The following YLPM1 variants were observed in gnomAD, a reference collection of about 807,000 sequenced individuals.
YLPM1 encodes YLP motif-containing protein 1.
In YLPM1, 99 loss-of-function variants were observed where a neutral mutation model predicts 230.0. The observed-to-expected ratio is 0.43, with a 90% CI of 0.37 to 0.51. The LOEUF is 0.51. Among genes scored for constraint, YLPM1 ranks in the 20% least tolerant of loss-of-function variants. The probability of loss-of-function intolerance (pLI) is 0.00; values close to 1 mark genes in which losing one functional copy is unlikely to be tolerated. For synonymous variants in YLPM1, 984 were observed against 942.5 expected (o/e 1.04, Z -0.81); for missense variants, 2,592 against 2,707.7 (o/e 0.96, Z 0.95).
At chr14:74,834,284 A>T (rs1020430094) in intron 19 of YLPM1, among the ~76,000 whole-genome samples, 1 of 152,090 alleles carries the variant, frequency 6.6e-6, no homozygotes, top group Non-Finnish European at 1.5e-5. Flanking sequence ...TCCCTGATCC[A>T]TATATTTGTA....
chr14:74,811,694 G>A lies in YLPM1; in HGVS notation c.5303G>A (p.Arg1768Gln), dbSNP rs1398923038. 5.6e-6 allele frequency: 9 copies of A among 1,611,924 alleles called. No individual in the cohort carries two copies. Among genetic ancestry groups the A allele is most frequent in the Non-Finnish European group, 5.1e-6 (6 of 1,179,320 alleles). Residue 1768 changes from arginine (R) to glutamine (Q), a missense_variant, in exon 10 of 21, where the codon CGG becomes CAG. This residue lies in a region of YLPM1 where 403 missense variants were observed against 426.7 expected (regional missense o/e 0.94). Transcript: ENST00000325680. Reference sequence around the variant, plus strand: ...GGTTTTGATAGGCCATCCTATGACCGGAAGTCTGACCGACCAGTCTATGAA... The same window carrying A: ...GGTTTTGATAGGCCATCCTATGACCAGAAGTCTGACCGACCAGTCTATGAA... ...RGGFDRPSYD[R>Q]KSDRPVYEGP...
chr14:74,776,236 A>G (rs1476417193), intron 1 of YLPM1, among the ~76,000 whole-genome samples: 4 of 152,220 alleles, frequency 2.6e-5, no homozygotes, highest in Admixed American at 6.5e-5. Context: ...CACCACAGAC[A>G]CTGAATTAGT....
intron 1 of YLPM1, among the ~76,000 whole-genome samples, chr14:74,772,764 G>A (rs1315554927): frequency 6.6e-6 from 1 of 152,134 alleles, no homozygotes; most frequent in African/African-American, 2.4e-5. Flanking sequence ...CATATGAAAT[G>A]GAGTTATCTG....
In YLPM1 at chr14:74,781,989, C is replaced by T; in HGVS notation, c.1946C>T (p.Ala649Val). Residue 649 changes from alanine to valine, a missense_variant, in exon 4 of 21, where the codon GCC (alanine) becomes GTC (valine). By Grantham distance (64) the Ala-to-Val change is moderately conservative. This residue lies in a region of YLPM1 where 1,862 missense variants were observed against 1,819.8 expected (regional missense o/e 1.02). Coordinates refer to ENST00000325680, the MANE Select transcript of YLPM1 (RefSeq NM_019589.3). ...PQGIPPQLTA[A>V]PVPPASSSQS... ...GGGATACCTCCTCAGTTAACAGCAG[C>T]CCCAGTTCCACCAGCCTCCAGTTCA... is the stretch of plus-strand genomic sequence containing the variant. The T allele has an allele frequency of 6.2e-7, 1 of 1,613,734 alleles. No homozygotes were observed. The highest frequency in any genetic ancestry group is 8.5e-7 in the Non-Finnish European group (1 of 1,179,748).
rs117400861 is a variant in YLPM1, at chr14:74,786,872, G to A, written c.2282+4547G>A. 2.1e-3 allele frequency among the ~76,000 whole-genome samples: 323 copies of A among 152,264 alleles called. 3 individuals are homozygous for A. The East Asian group carries it at 0.038, about 18-fold the overall frequency. On this transcript the variant is annotated intron_variant, in intron 4 of 20. Transcript: ENST00000325680. ...TACATGTTCTGCGTTAATGGGTATT[G>A]TTAAACATTTTTCCAAAGTGGTTGT...
chr14:74,800,168 A>G (rs1005702570), intron 5 of YLPM1, among the ~76,000 whole-genome samples: 1 of 152,196 alleles, frequency 6.6e-6, no homozygotes, highest in African/African-American at 2.4e-5. Flanking sequence ...GCATCCTCAG[A>G]TTTGTCTTAA....
At chr14:74,788,117 C>CTTTTTT (rs55982413) in intron 4 of YLPM1, among the ~76,000 whole-genome samples, 4 of 148,838 alleles carry the variant, frequency 2.7e-5, no homozygotes. Context: ...GTCACATACC[C>CTTTTTT]TTTTTTTTTT....
chr14:74,810,108 A>C, intron 8 of YLPM1, 106 bp downstream of exon 8: 1 of 1,461,242 alleles, frequency 6.8e-7, no homozygotes, highest in Non-Finnish European at 9.2e-7. Context: ...TACAGCTAAA[A>C]GATTCTTAGT....
At position 74,799,313 on chromosome 14, in the gene YLPM1, C is replaced by G; in HGVS notation, c.4016C>G (p.Pro1339Arg). Reference protein sequence around the residue: ...PSLPPLPPLPPLPPLDRYRDD... With the variant: ...PSLPPLPPLPRLPPLDRYRDD... Reference sequence around the variant, plus strand: ...CTTCCACCTTTACCGCCCCTCCCACCTCTTCCACCTTTGGATAGATATCGG... The same window carrying G: ...CTTCCACCTTTACCGCCCCTCCCACGTCTTCCACCTTTGGATAGATATCGG... The change falls in exon 5 of 21, where the codon CCT (proline) becomes CGT (arginine). Residue 1339 changes from proline to arginine, a missense_variant. Pro to Arg is a moderately radical substitution (Grantham distance 103). Transcript: ENST00000325680. 6.2e-7 allele frequency: 1 copy of G among 1,613,984 alleles called. No individual in the cohort carries two copies. Among genetic ancestry groups the G allele is most frequent in the Non-Finnish European group, 8.5e-7 (1 of 1,179,890 alleles).
Position 74,816,214 on chromosome 14 carries a change from A to G in YLPM1, c.5514A>G (p.Ile1838Met). 1.2e-6 allele frequency: 2 copies of G among 1,606,410 alleles called. No homozygotes were observed. The highest frequency in any genetic ancestry group is 1.7e-6 in the Non-Finnish European group (2 of 1,177,086). The change falls in exon 12 of 21, where the codon ATA becomes ATG. Residue 1838 changes from isoleucine to methionine, a missense_variant. Ile to Met is a conservative substitution (Grantham distance 10, BLOSUM62 1). Around this residue, in one of 4 missense-constraint regions of YLPM1, gnomAD observed 315 missense variants for 429.3 expected, o/e 0.73. Transcript: ENST00000325680. ...RESRPERIVV[I>M]MRGLPGSGKT... is the part of the protein sequence containing the mutation. Reference sequence around the variant, plus strand: ...CTATTCTGTTTCAGATTGTTGTTATAATGAGAGGATTACCTGGCAGTGGAA... The same window carrying G: ...CTATTCTGTTTCAGATTGTTGTTATGATGAGAGGATTACCTGGCAGTGGAA...
At chr14:74,777,974 C>CAA (rs138166786) in intron 1 of YLPM1, among the ~76,000 whole-genome samples, 18 of 141,240 alleles carry the variant, frequency 1.3e-4, no homozygotes, top group East Asian at 6.1e-4. Context: ...GATGCAGTCT[C>CAA]AAAAAAAAAA....
chr14:74,835,546 G>T, intron 20 of YLPM1, 99 bp downstream of exon 20: 1 of 1,045,766 alleles, frequency 9.6e-7, no homozygotes, highest in Non-Finnish European at 1.4e-6. Flanking sequence ...CTCTCTTCTT[G>T]TGTTATTTTA....
chr14:74,774,400 AT>A (rs2091011232), intron 1 of YLPM1, among the ~76,000 whole-genome samples: 1 of 150,056 alleles, frequency 6.7e-6, no homozygotes, highest in Non-Finnish European at 1.5e-5. Flanking sequence ...GGCCCAGCTA[AT>A]TTTTTTGTAT....
chr14:74,805,516 A>C (rs551802540), intron 6 of YLPM1, among the ~76,000 whole-genome samples: 3 of 151,268 alleles, frequency 2.0e-5, no homozygotes, highest in East Asian at 2.0e-4. Flanking sequence ...CTAATAATAA[A>C]AAAAAAAAAT....
At chr14:74,792,252 G>A (rs540725021) in intron 4 of YLPM1, among the ~76,000 whole-genome samples, 4 of 152,066 alleles carry the variant, frequency 2.6e-5, no homozygotes, top group Admixed American at 1.3e-4. Flanking sequence ...TCACTACTTC[G>A]CATAGACCAT....
intron 17 of YLPM1, 122 bp from the exon 18 acceptor site, chr14:74,824,134 A>G (rs896178224): frequency 1.0e-4 from 92 of 897,522 alleles, no homozygotes; most frequent in Non-Finnish European, 1.5e-4. Context: ...CTAAGGATGT[A>G]TTTACAGCTA....
At chr14:74,806,582 T>C (rs926234843) in intron 6 of YLPM1, among the ~76,000 whole-genome samples, 7 of 152,152 alleles carry the variant, frequency 4.6e-5, no homozygotes, top group African/African-American at 1.7e-4. Context: ...AGACTCTGTC[T>C]CAAAAAAATA....
At chr14:74,832,477 G>GT in intron 19 of YLPM1, among the ~76,000 whole-genome samples, 1 of 151,568 alleles carries the variant, frequency 6.6e-6, no homozygotes, top group African/African-American at 2.4e-5. Flanking sequence ...TTGTTTTTTT[G>GT]TTTTTTATTT....
intron 1 of YLPM1, among the ~76,000 whole-genome samples, chr14:74,775,015 T>G (rs1305345369): frequency 6.6e-6 from 1 of 152,164 alleles, no homozygotes; most frequent in Non-Finnish European, 1.5e-5. Flanking sequence ...CACCATAAAG[T>G]CGAAAAATCA....
Sources: gnomAD v4.1 joint callset for allele counts (sites outside exome capture counted in the v4.1 genomes callset) on GRCh38, gnomAD v4.1.1 for gene constraint, gnomAD v4.1.1 regional missense constraint, MANE v1.5 for transcripts, NCBI Gene and HGNC (gene_info 2026-07-23, HGNC 2026-07-21) for gene names.